Variants in CIZ1 observed in about 807,000 individuals in gnomAD.
The protein encoded by CIZ1 is CDKN1A interacting zinc finger protein 1.
A neutral mutation model predicts 118.6 loss-of-function variants in CIZ1; 58 were observed. That is an observed-to-expected ratio of 0.49 (90% CI 0.40 to 0.61). The LOEUF is 0.61. Among genes scored for constraint, CIZ1 ranks in the 20% least tolerant of loss-of-function variants. CIZ1 has a pLI of 0.00. For missense variants in CIZ1, 921 were observed against 1,115.9 expected, an observed-to-expected ratio of 0.83 and a Z score of 2.49; for synonymous variants, 448 against 443.4, an observed-to-expected ratio of 1.01 and a Z score of -0.13.
At chr9:128,182,568 C>A (rs543529335) in intron 5 of CIZ1, among the ~76,000 whole-genome samples, 32 of 152,280 alleles carry the variant, frequency 2.1e-4, no homozygotes, top group African/African-American at 7.5e-4. Flanking sequence ...ACACCCACCC[C>A]TTCCCTGCAC....
Position 128,190,752 on chromosome 9 carries a change from G to A in CIZ1, c.106C>T (p.Leu36=). Residue 36 remains leucine (L), a synonymous_variant, in exon 2 of 17, where the codon CTG becomes TTG. Transcript: ENST00000372938. ...TGCTGGAGCAGCTGCTGGAGCTGCA[G>A]TAACTGCTGCTGCTGCAATTGCTGC... ...QQQQLQQQQL[L]QLQQLLQQSP... is the part of the protein sequence containing the mutation. The A allele has an allele frequency of 2.6e-6, 4 of 1,546,798 alleles. No homozygotes were observed. The highest frequency in any genetic ancestry group is 3.5e-6 in the Non-Finnish European group (4 of 1,146,272).
chr9:128,190,783 G>A lies in CIZ1; in HGVS notation c.75C>T (p.Leu25=). Residue 25 remains leucine, a synonymous_variant, in exon 2 of 17, where the codon CTC becomes CTT. Transcript: ENST00000372938. ...GCTGCTGCTGCAATTGCTGCTGCTG[G>A]AGCTGCTGCTGCTGTAACTGCTGGA... ...QQLQQLQQQQ[L]QQQQLQQQQL... 6.5e-7 allele frequency: 1 copy of A among 1,535,832 alleles called. No homozygotes were observed. Among genetic ancestry groups the A allele is most frequent in the Non-Finnish European group, 8.8e-7 (1 of 1,138,052 alleles).
chr9:128,195,827 T>C (rs1475483108), upstream of CIZ1, among the ~76,000 whole-genome samples: 1 of 152,176 alleles, frequency 6.6e-6, no homozygotes, highest in African/African-American at 2.4e-5. Flanking sequence ...TCATAGAATT[T>C]TGTCAAACCT....
intron 11 of CIZ1, among the ~76,000 whole-genome samples, chr9:128,175,323 A>T (rs1830719805): frequency 6.6e-6 from 1 of 152,146 alleles, no homozygotes; most frequent in Non-Finnish European, 1.5e-5. Context: ...TCATCATGAT[A>T]CTAATAGCAA....
At position 128,166,694 on chromosome 9, in the gene CIZ1, C is replaced by T. The variant is rs45487100; in HGVS notation, c.2487+65G>A. ...CAAGAGGGAGTGGCCACTAGCCACCCGAATCAGCTTGGATTAAGACTAAGT... is the reference window on the plus strand; with the variant it reads ...CAAGAGGGAGTGGCCACTAGCCACCTGAATCAGCTTGGATTAAGACTAAGT... On this transcript the variant is annotated intron_variant, in intron 16 of 16. Coordinates refer to ENST00000372938, the MANE Select transcript of CIZ1 (RefSeq NM_001131016.2). This position sits in a 1 kb window ranked among gnomAD's most constrained non-coding sequence, Gnocchi z 4.4. 1.8e-5 allele frequency: 29 copies of T among 1,607,510 alleles called. No homozygotes were observed. Among genetic ancestry groups the T allele is most frequent in the African/African-American group, 5.3e-5 (4 of 74,926 alleles).
chr9:128,185,009 T>G (rs1389976160), intron 5 of CIZ1, among the ~76,000 whole-genome samples: 3 of 152,108 alleles, frequency 2.0e-5, no homozygotes, highest in Non-Finnish European at 4.4e-5. Flanking sequence ...CTGGGCGCAG[T>G]GGCTCACGCC....
upstream of CIZ1, among the ~76,000 whole-genome samples, chr9:128,194,301 G>A (rs1452957060): frequency 6.9e-6 from 1 of 145,416 alleles, no homozygotes; most frequent in Non-Finnish European, 1.5e-5. Flanking sequence ...GCCGGAGGTT[G>A]CAGTGAGCCA....
At chr9:128,180,385 G>A (rs761628653) in intron 7 of CIZ1, 30 bp downstream of exon 7, 3 of 1,549,554 alleles carry the variant, frequency 1.9e-6, no homozygotes, top group Non-Finnish European at 2.7e-6. Context: ...AGGGCACCCG[G>A]GCGCAGGTCA....
chr9:128,181,420 G>A (rs1831597149), intron 5 of CIZ1, among the ~76,000 whole-genome samples: 1 of 152,170 alleles, frequency 6.6e-6, no homozygotes, highest in African/African-American at 2.4e-5. Context: ...AACAAGAATT[G>A]TTATACCAGA....
At position 128,169,202 on chromosome 9, in the gene CIZ1, C is replaced by A. The variant is rs375619495; in HGVS notation, c.2146-1G>T. The A allele has an allele frequency of 1.9e-6, 3 of 1,614,044 alleles. No homozygotes were observed. The African/African-American group carries it at 4.0e-5, about 22-fold the overall frequency. ...CAATTTCTTTCTCAAGCGACTTCAG[C>A]TGCCCAGGGAGTAGGCAAGGAGCTC... On this transcript the variant is annotated splice_acceptor_variant, in intron 13 of 16. Coordinates refer to ENST00000372938, the MANE Select transcript of CIZ1 (RefSeq NM_001131016.2). LOFTEE classifies it high-confidence loss of function.
intron 7 of CIZ1, among the ~76,000 whole-genome samples, chr9:128,179,860 C>A (rs568931256): frequency 6.6e-6 from 1 of 151,932 alleles, no homozygotes; most frequent in African/African-American, 2.4e-5. Flanking sequence ...TTAGTAGAGA[C>A]GGGGTTTCTC....
Position 128,180,541 on chromosome 9 carries a change from G to A in CIZ1, c.683-18C>T, listed in dbSNP as rs752815800. 3.1e-6 allele frequency: 5 copies of A among 1,598,864 alleles called. No homozygotes were observed. In the Admixed American group the frequency reaches 6.7e-5, roughly 21 times the overall value. On this transcript the variant is annotated intron_variant, in intron 6 of 16. Transcript: ENST00000372938. ...ATCTTGGTCTGGAATGGAGGCATGAGCGAGGGAACTCATGTTGGGAAGAGC... is the reference window on the plus strand; with the variant it reads ...ATCTTGGTCTGGAATGGAGGCATGAACGAGGGAACTCATGTTGGGAAGAGC...
chr9:128,178,854 C>A lies in CIZ1; in HGVS notation c.1353G>T (p.Ala451=), dbSNP rs139363037. The change falls in exon 8 of 17, where the codon GCG becomes GCT. Residue 451 remains alanine (A), a synonymous_variant. Coordinates refer to ENST00000372938, the MANE Select transcript of CIZ1 (RefSeq NM_001131016.2). ...PSVQPQEHPP[A]QVSVQPPEQT... ...GCTCTGGTGGCTGTACTGACACCTGCGCTGGAGGATGCTCCTGTGGCTGGA... is the reference window on the plus strand; with the variant it reads ...GCTCTGGTGGCTGTACTGACACCTGAGCTGGAGGATGCTCCTGTGGCTGGA... The A allele has an allele frequency of 6.2e-7, 1 of 1,614,100 alleles. No individual in the cohort carries two copies. Among genetic ancestry groups the A allele is most frequent in the African/African-American group, 1.3e-5 (1 of 74,926 alleles).
chr9:128,179,365 G>A lies in CIZ1; in HGVS notation c.842C>T (p.Ala281Val). ...KEPPGQLQVK[A>V]QPQARMTVPK... is the part of the protein sequence containing the mutation. ...TACTGTCATCCGGGCCTGCGGCTGG[G>A]CCTTCACCTGTAACTGCCCTGGAGG... is the stretch of plus-strand genomic sequence containing the variant. Residue 281 changes from alanine (A) to valine (V), a missense_variant, in exon 8 of 17, where the codon GCC (alanine) becomes GTC (valine). By Grantham distance (64) the Ala-to-Val change is moderately conservative (BLOSUM62 0). Coordinates refer to ENST00000372938, the MANE Select transcript of CIZ1 (RefSeq NM_001131016.2). The A allele has an allele frequency of 6.2e-7, 1 of 1,613,342 alleles. No individual in the cohort carries two copies. The highest frequency in any genetic ancestry group is 8.5e-7 in the Non-Finnish European group (1 of 1,179,640).
intron 1 of CIZ1, among the ~76,000 whole-genome samples, chr9:128,201,084 C>T (rs969571020): frequency 6.6e-6 from 1 of 151,608 alleles, no homozygotes; most frequent in Non-Finnish European, 1.5e-5. Flanking sequence ...CTGGCTAACA[C>T]GGTGAAACCC....
chr9:128,170,201 A>T (rs1299882072), intron 11 of CIZ1, 94 bp from the exon 12 acceptor site: 1 of 1,030,504 alleles, frequency 9.7e-7, no homozygotes, highest in African/African-American at 1.6e-5. Context: ...TCCAATAGCA[A>T]CTCCCACAGG....
chr9:128,200,694 G>A (rs2131051705), intron 1 of CIZ1, among the ~76,000 whole-genome samples: 1 of 151,870 alleles, frequency 6.6e-6, no homozygotes, highest in South Asian at 2.1e-4. Flanking sequence ...AAAATTAGCT[G>A]GGCGTGGTGG....
At chr9:128,171,683 G>A (rs1169585031) in intron 11 of CIZ1, among the ~76,000 whole-genome samples, 1 of 151,978 alleles carries the variant, frequency 6.6e-6, no homozygotes, top group Non-Finnish European at 1.5e-5. Context: ...GTTGCAGTGA[G>A]CCAAGATCGC....
chr9:128,179,171 G>A lies in CIZ1; in HGVS notation c.1036C>T (p.Gln346Ter). Residue 346 changes from glutamine to a stop codon, truncating the protein, a stop_gained, in exon 8 of 17, where the codon CAA becomes TAA. Coordinates refer to ENST00000372938, the MANE Select transcript of CIZ1 (RefSeq NM_001131016.2). LOFTEE classifies it high-confidence loss of function. ...AAGTGCTCTGGAGAGGTCTGTGTTT[G>A]CGCCTGCTTCTGCAGCTTTGGCTGC... Reference protein sequence around the residue: ...QVQPKLQKQAQTQTSPEHLVL... With the variant: ...QVQPKLQKQA 1 of 1,614,084 alleles carries A rather than the reference G, an allele frequency of 6.2e-7. No homozygotes were observed. The highest frequency in any genetic ancestry group is 8.5e-7 in the Non-Finnish European group (1 of 1,180,016).
Sources: allele counts gnomAD v4.1 joint callset (sites outside exome capture counted in the v4.1 genomes callset), GRCh38; gene constraint gnomAD v4.1.1; non-coding constraint Gnocchi (gnomAD v3.1); transcripts MANE v1.5; gene names NCBI Gene and HGNC (gene_info 2026-07-23, HGNC 2026-07-21).